Variants in CFAP65 observed in about 807,000 individuals in gnomAD.
The protein encoded by CFAP65 is cilia- and flagella-associated protein 65.
In CFAP65, 155 loss-of-function variants were observed where a neutral mutation model predicts 208.0. The ratio of observed to expected loss-of-function variants is 0.75; its 90% CI spans 0.65 to 0.85. CFAP65 has a LOEUF of 0.85. CFAP65 is among the 40% of genes least tolerant of loss of function. The pLI is 0.00. For missense variants in CFAP65, 2,294 were observed against 2,451.3 expected, an observed-to-expected ratio of 0.94 and a Z score of 1.36; for synonymous variants, 970 against 986.3, an observed-to-expected ratio of 0.98 and a Z score of 0.31.
At chr2:219,029,853 G>A in intron 10 of CFAP65, 133 bp downstream of exon 10, 7 of 1,107,570 alleles carry the variant, frequency 6.3e-6, no homozygotes, top group Non-Finnish European at 7.7e-6. Flanking sequence ...TTCCCCACAG[G>A]GCCACCAGGG....
At chr2:219,035,196 G>A in intron 5 of CFAP65, 1 of 845,608 alleles carries the variant, frequency 1.2e-6, no homozygotes, top group South Asian at 1.9e-5. Context: ...TATGTAACTG[G>A]ACACATATAC....
Position 219,010,606 on chromosome 2 carries a change from G to T in CFAP65, c.4248C>A (p.Phe1416Leu). Residue 1416 changes from phenylalanine to leucine, a missense_variant, in exon 26 of 35, where the codon TTC becomes TTA. Phe to Leu is a conservative substitution (Grantham distance 22). This residue lies in a region of CFAP65 where 1,427 missense variants were observed against 1,438.7 expected (regional missense o/e 0.99). Transcript: ENST00000341552. Reference protein sequence around the residue: ...NPHMMGDTAPFHNISSWDNSS... With the variant: ...NPHMMGDTAPLHNISSWDNSS... Reference sequence around the variant, plus strand: ...TGTTGTCCCACGAGGAGATGTTGTGGAATGGGGCTGTGTCCCCCATCATAT... The same window carrying T: ...TGTTGTCCCACGAGGAGATGTTGTGTAATGGGGCTGTGTCCCCCATCATAT... The T allele has an allele frequency of 6.2e-7, 1 of 1,612,046 alleles. No homozygotes were observed.
chr2:219,007,013 T>C (rs1487732036), intron 29 of CFAP65, among the ~76,000 whole-genome samples: 1 of 152,038 alleles, frequency 6.6e-6, no homozygotes, highest in Admixed American at 6.5e-5. Flanking sequence ...TGCCATCAAA[T>C]GTAGGCGGGC....
intron 29 of CFAP65, among the ~76,000 whole-genome samples, chr2:219,007,464 G>C (rs1574519781): frequency 1.3e-5 from 2 of 152,170 alleles, no homozygotes; most frequent in Admixed American, 6.5e-5. Context: ...ACAGGTGTGA[G>C]CCACCGCGCC....
chr2:219,019,410 A>G, intron 20 of CFAP65, 96 bp downstream of exon 20: 1 of 1,185,318 alleles, frequency 8.4e-7, no homozygotes. Flanking sequence ...GATGGGAAAC[A>G]GCTTCCTTGT....
rs1265455989 is a variant in CFAP65 at position 219,032,007 on chromosome 2, G to A, written c.646-349C>T. Among the ~76,000 whole-genome samples, 5 of 146,284 alleles carry A rather than the reference G, an allele frequency of 3.4e-5. No homozygotes were observed. The South Asian group carries it at 8.9e-4, about 26-fold the overall frequency. The stretch of plus-strand genomic sequence containing the variant: ...GAGATCTCAGCTCACTGCAACAGCC[G>A]CCTCCCGGTTCAAGTGATTCTGCTG... On this transcript the variant is annotated intron_variant, in intron 6 of 34. Transcript: ENST00000341552. This position sits in a 1 kb window ranked among gnomAD's most constrained non-coding sequence, Gnocchi z 5.5.
rs1364562981 is a variant in CFAP65, at chr2:219,003,123, C to A, written c.5693+12G>T. Reference sequence around the variant, plus strand: ...GCGCGGTCTGCGCGGCCGCTGGTCCCGGCGCCCTTACCTGGGCACGCAGAA... The same window carrying A: ...GCGCGGTCTGCGCGGCCGCTGGTCCAGGCGCCCTTACCTGGGCACGCAGAA... On this transcript the variant is annotated intron_variant, in intron 34 of 34. Coordinates refer to ENST00000341552, the MANE Select transcript of CFAP65 (RefSeq NM_194302.4). The surrounding 1 kb of genome is among the most constrained non-coding windows in gnomAD (Gnocchi z 4.4). The A allele has an allele frequency of 1.9e-6, 3 of 1,542,430 alleles. No homozygotes were observed. The South Asian group carries it at 3.6e-5, about 18-fold the overall frequency.
chr2:219,011,010 G>C lies in CFAP65; in HGVS notation c.3958-14C>G, dbSNP rs1263340997. 1 of 1,588,468 alleles carries C rather than the reference G, an allele frequency of 6.3e-7. No homozygotes were observed. The highest frequency in any genetic ancestry group is 8.6e-7 in the Non-Finnish European group (1 of 1,161,486). Reference sequence around the variant, plus strand: ...CAGCTCATAAATCTGCAGGGGGCAGGAATAGGAAAATTGCCACATCAGCTC... The same window carrying C: ...CAGCTCATAAATCTGCAGGGGGCAGCAATAGGAAAATTGCCACATCAGCTC... On this transcript the variant is annotated splice_polypyrimidine_tract_variant and intron_variant, in intron 24 of 34. Transcript: ENST00000341552.
intron 4 of CFAP65, among the ~76,000 whole-genome samples, chr2:219,037,417 C>A (rs142474781): frequency 5.3e-4 from 80 of 152,198 alleles, no homozygotes; most frequent in Admixed American, 1.0e-3. Context: ...AACAAACAAA[C>A]AACAACAACA....
intron 29 of CFAP65, among the ~76,000 whole-genome samples, chr2:219,007,187 T>TG (rs1946077541): frequency 6.6e-6 from 1 of 151,670 alleles, no homozygotes; most frequent in African/African-American, 2.4e-5. Flanking sequence ...TCTTTGTTTT[T>TG]TTTTTTGACA....
chr2:219,041,449 T>A (rs1438419661), intron 1 of CFAP65, 39 bp downstream of exon 1: 1 of 1,546,704 alleles, frequency 6.5e-7, no homozygotes, highest in South Asian at 1.2e-5. Context: ...CGCCGCTCCC[T>A]GAGACCCTGG....
chr2:219,014,265 G>T (rs1297994245), intron 21 of CFAP65: 12 of 409,678 alleles, frequency 2.9e-5, no homozygotes, highest in Non-Finnish European at 4.3e-5. Flanking sequence ...GGGCCACGGC[G>T]ACTCAAGAAG....
In CFAP65 at chr2:219,010,828, G is replaced by A. The variant is rs1271749865; in HGVS notation, c.4126C>T (p.Pro1376Ser). Reference protein sequence around the residue: ...STARVLWIFSPIEAKTYTVDV... With the variant: ...STARVLWIFSSIEAKTYTVDV... ...ACCGTGTAGGTCTTGGCCTCGATAG[G>A]TGAGAAGATCCACAAGACCCGGGCA... is the stretch of plus-strand genomic sequence containing the variant. Residue 1376 changes from proline (P) to serine (S), a missense_variant, in exon 25 of 35, where the codon CCT (proline) becomes TCT (serine). By Grantham distance (74) the Pro-to-Ser change is moderately conservative. Coordinates refer to ENST00000341552, the MANE Select transcript of CFAP65 (RefSeq NM_194302.4). 6.2e-7 allele frequency: 1 copy of A among 1,608,702 alleles called. No individual in the cohort carries two copies. Among genetic ancestry groups the A allele is most frequent in the Non-Finnish European group, 8.5e-7 (1 of 1,176,608 alleles).
Position 219,030,740 on chromosome 2 carries a change from A to G in CFAP65, c.1110T>C (p.Val370=). ...GFQKLLYFGS[V]AVGCTSERQI... is the part of the protein sequence containing the mutation. ...GCCTCTCCGAGGTGCAGCCCACAGCAACAGAGCCAAAGTACAACAGCTTCT... is the reference window on the plus strand; with the variant it reads ...GCCTCTCCGAGGTGCAGCCCACAGCGACAGAGCCAAAGTACAACAGCTTCT... Residue 370 remains valine, a synonymous_variant, in exon 9 of 35, where the codon GTT becomes GTC. Coordinates refer to ENST00000341552, the MANE Select transcript of CFAP65 (RefSeq NM_194302.4). 2 of 1,614,182 alleles carry G rather than the reference A, an allele frequency of 1.2e-6. No individual in the cohort carries two copies. The highest frequency in any genetic ancestry group is 1.7e-6 in the Non-Finnish European group (2 of 1,180,014).
chr2:219,021,234 C>G lies in CFAP65; in HGVS notation c.3177G>C (p.Gln1059His). 1 of 1,608,148 alleles carries G rather than the reference C, an allele frequency of 6.2e-7. No homozygotes were observed. Among genetic ancestry groups the G allele is most frequent in the Middle Eastern group, 1.7e-4 (1 of 6,042 alleles). Reference sequence around the variant, plus strand: ...GACAGGCAGTCAGGCAGATGGTGTCCTGGGACCGGGGTGGCATGCTCCCCT... The same window carrying G: ...GACAGGCAGTCAGGCAGATGGTGTCGTGGGACCGGGGTGGCATGCTCCCCT... ...RTEGSMPPRS[Q>H]DTICLTACPK... Residue 1059 changes from glutamine (Q) to histidine (H), a missense_variant, in exon 19 of 35, where the codon CAG becomes CAC. Gln to His is a conservative substitution (Grantham distance 24). This residue lies in a region of CFAP65 where 1,427 missense variants were observed against 1,438.7 expected (regional missense o/e 0.99). Coordinates refer to ENST00000341552, the MANE Select transcript of CFAP65 (RefSeq NM_194302.4).
At chr2:219,039,721 T>C (rs994999665) in intron 2 of CFAP65, among the ~76,000 whole-genome samples, 4 of 152,220 alleles carry the variant, frequency 2.6e-5, no homozygotes, top group African/African-American at 9.6e-5. Flanking sequence ...ATTATTGAGG[T>C]ACTTTACTTT....
rs1246084222 is a variant in CFAP65 at position 219,032,336 on chromosome 2, C to T, written c.645+134G>A. On this transcript the variant is annotated intron_variant, in intron 6 of 34. Coordinates refer to ENST00000341552, the MANE Select transcript of CFAP65 (RefSeq NM_194302.4). This position sits in a 1 kb window ranked among gnomAD's most constrained non-coding sequence, Gnocchi z 5.5. ...GGGGCTAAGCCCTTGACGGGGCCTC[C>T]CAAGCTGGATTGCTGCTGGAGCGGG... is the stretch of plus-strand genomic sequence containing the variant. The T allele has an allele frequency of 1.1e-5, 8 of 717,956 alleles. No individual in the cohort carries two copies. Among genetic ancestry groups the T allele is most frequent in the Non-Finnish European group, 1.8e-5 (8 of 441,328 alleles). The allele number at this position is 717,956 out of a possible 1,614,324, so 44.5% of individuals were successfully genotyped here.
chr2:219,032,710 G>A lies in CFAP65; in HGVS notation c.543-138C>T, dbSNP rs148809919. 12 of 682,730 alleles carry A rather than the reference G, an allele frequency of 1.8e-5. No homozygotes were observed. Among genetic ancestry groups the A allele is most frequent in the East Asian group, 2.8e-5 (1 of 35,818 alleles). 42.3% of individuals were successfully genotyped at this position (682,730 alleles called of 1,614,324 possible). ...GAGAAAGCGATCAGGAGATGAGCAC[G>A]TGGAGATGGAAACTCAGGGGTTTGG... On this transcript the variant is annotated intron_variant, in intron 5 of 34. Coordinates refer to ENST00000341552, the MANE Select transcript of CFAP65 (RefSeq NM_194302.4). This position sits in a 1 kb window ranked among gnomAD's most constrained non-coding sequence, Gnocchi z 5.5.
At chr2:219,023,692 C>G (rs946756399) in intron 15 of CFAP65, among the ~76,000 whole-genome samples, 1 of 152,246 alleles carries the variant, frequency 6.6e-6, no homozygotes, top group East Asian at 1.9e-4. Flanking sequence ...GGCCCACCAT[C>G]TCAGAGTCTA....
Sources: allele counts gnomAD v4.1 joint callset (sites outside exome capture counted in the v4.1 genomes callset), GRCh38; gene constraint gnomAD v4.1.1; regional missense constraint gnomAD v4.1.1; non-coding constraint Gnocchi (gnomAD v3.1); transcripts MANE v1.5; gene names NCBI Gene and HGNC (gene_info 2026-07-23, HGNC 2026-07-21).